FSHR: variants seen among roughly 807,000 people sequenced by gnomAD.
FSHR encodes follicle stimulating hormone receptor.
FSHR carries 46 observed loss-of-function variants against 52.1 expected under a neutral mutation model. That is an observed-to-expected ratio of 0.88 (90% CI 0.70 to 1.13). The LOEUF (loss-of-function observed/expected upper bound fraction) is 1.13. Ranked by LOEUF, FSHR falls within the 50% of genes most tolerant of loss-of-function variation. The pLI, the probability that FSHR is intolerant of heterozygous loss-of-function variation, is 0.00. For missense variants in FSHR, 964 were observed against 834.6 expected (o/e 1.16, Z -1.91); for synonymous variants, 399 against 309.6 (o/e 1.29, Z -3.03).
chr2:49,012,532 G>A (rs1395057249), intron 4 of FSHR, among the ~76,000 whole-genome samples: 1 of 152,064 alleles, frequency 6.6e-6, no homozygotes, highest in Admixed American at 6.6e-5. Context: ...GGCATCAACA[G>A]GGAGAGCTTC....
At chr2:49,010,783 C>A (rs952308324) in intron 4 of FSHR, among the ~76,000 whole-genome samples, 1 of 152,158 alleles carries the variant, frequency 6.6e-6, no homozygotes, top group African/African-American at 2.4e-5. Context: ...AGGAATTTAT[C>A]CATTTCTTCT....
At chr2:49,151,165 T>A (rs1425764774) in intron 1 of FSHR, among the ~76,000 whole-genome samples, 7 of 131,632 alleles carry the variant, frequency 5.3e-5, no homozygotes, top group Admixed American at 8.1e-5. Context: ...TTTTTCAGAA[T>A]AAGAAAGGTA....
chr2:49,102,826 A>C (rs1671082970), intron 1 of FSHR, among the ~76,000 whole-genome samples: 1 of 137,866 alleles, frequency 7.3e-6, no homozygotes, highest in Non-Finnish European at 1.6e-5. Context: ...CAAAATCTCC[A>C]TGATTTTCAG....
At chr2:49,126,320 G>C (rs928478844) in intron 1 of FSHR, among the ~76,000 whole-genome samples, 1 of 13,080 alleles carries the variant, frequency 7.6e-5, no homozygotes, top group Non-Finnish European at 1.1e-4. Flanking sequence ...CACACAAAAG[G>C]AAGAGGGGGG....
At chr2:49,077,842 T>G (rs985495396) in intron 1 of FSHR, among the ~76,000 whole-genome samples, 12 of 152,302 alleles carry the variant, frequency 7.9e-5, no homozygotes, top group African/African-American at 2.9e-4. Flanking sequence ...TCACCTTTGT[T>G]CCAGTTACCA....
intron 2 of FSHR, among the ~76,000 whole-genome samples, chr2:49,058,826 T>G (rs1225518378): frequency 6.6e-6 from 1 of 152,102 alleles, no homozygotes; most frequent in Non-Finnish European, 1.5e-5. Flanking sequence ...TGGAAAAACA[T>G]CCCAAGCTCA....
intron 8 of FSHR, among the ~76,000 whole-genome samples, chr2:48,972,659 G>A (rs1401161771): frequency 6.6e-6 from 1 of 151,938 alleles, no homozygotes; most frequent in African/African-American, 2.4e-5. Context: ...AAAGAACAAA[G>A]GTTGAGACCC....
chr2:49,068,328 C>T (rs372340043), intron 1 of FSHR, 38 bp from the exon 2 acceptor site: 2 of 1,525,144 alleles, frequency 1.3e-6, no homozygotes, highest in East Asian at 4.5e-5. Flanking sequence ...ACAACCTATC[C>T]ATTAATAAGT....
At chr2:49,130,350 C>T (rs115351891) in intron 1 of FSHR, among the ~76,000 whole-genome samples, 6 of 152,276 alleles carry the variant, frequency 3.9e-5, no homozygotes, top group Non-Finnish European at 7.3e-5. Flanking sequence ...TGGGGTAAAT[C>T]GCTTAATCTC....
chr2:48,985,306 G>C (rs1323438423), intron 6 of FSHR, among the ~76,000 whole-genome samples: 1 of 152,158 alleles, frequency 6.6e-6, no homozygotes, highest in Non-Finnish European at 1.5e-5. Context: ...TGGGGACTTG[G>C]CCCTTTAAAA....
intron 1 of FSHR, among the ~76,000 whole-genome samples, chr2:49,088,412 T>C (rs1027942390): frequency 1.3e-5 from 2 of 152,202 alleles, no homozygotes; most frequent in Non-Finnish European, 2.9e-5. Context: ...TTACCAGAAA[T>C]TCTTCAGAAA....
At chr2:48,990,808 C>T (rs1241801227) in intron 4 of FSHR, among the ~76,000 whole-genome samples, 171 bp from the exon 5 acceptor site, 1 of 151,972 alleles carries the variant, frequency 6.6e-6, no homozygotes, top group Non-Finnish European at 1.5e-5. Flanking sequence ...AAGGTTCGTT[C>T]CACGGTCTTA....
At chr2:49,073,561 T>C (rs1450700219) in intron 1 of FSHR, among the ~76,000 whole-genome samples, 3 of 151,872 alleles carry the variant, frequency 2.0e-5, no homozygotes, top group African/African-American at 7.2e-5. Context: ...GATACAAATG[T>C]AAAGACATCC....
rs778457986 is a variant in FSHR at position 48,963,133 on chromosome 2, G to A, written c.1688C>T (p.Ser563Phe). ...YLTVRNPNIV[S>F]SSSDTRIAKR... ...GGCGATCCTGGTGTCACTAGAGGAG[G>A]ACACGATGTTGGGGTTCCGCACTGT... The change falls in exon 10 of 10, where the codon TCC (serine) becomes TTC (phenylalanine). Residue 563 changes from serine to phenylalanine, a missense_variant. Physicochemically the swap from Ser to Phe is radical, Grantham distance 155. Coordinates refer to ENST00000406846, the MANE Select transcript of FSHR (RefSeq NM_000145.4). 4 of 1,614,100 alleles carry A rather than the reference G, an allele frequency of 2.5e-6. No individual in the cohort carries two copies. The highest frequency in any genetic ancestry group is 2.5e-6 in the Non-Finnish European group (3 of 1,179,996).
chr2:49,039,663 T>A (rs1668411288), intron 2 of FSHR, among the ~76,000 whole-genome samples: 1 of 152,240 alleles, frequency 6.6e-6, no homozygotes, highest in South Asian at 2.1e-4. Flanking sequence ...CACAGTCATG[T>A]GTGAGTTCTG....
intron 4 of FSHR, among the ~76,000 whole-genome samples, chr2:49,003,587 A>C (rs1015081185): frequency 6.6e-6 from 1 of 152,018 alleles, no homozygotes; most frequent in African/African-American, 2.4e-5. Flanking sequence ...ACACGTTATG[A>C]AAGATAAAGT....
At chr2:49,149,863 C>T (rs1286812638) in intron 1 of FSHR, among the ~76,000 whole-genome samples, 4 of 151,986 alleles carry the variant, frequency 2.6e-5, no homozygotes, top group Non-Finnish European at 5.9e-5. Flanking sequence ...TGGGAACTTG[C>T]TATAAGGACA....
chr2:48,965,645 G>A (rs1674442479), intron 9 of FSHR, among the ~76,000 whole-genome samples: 1 of 152,210 alleles, frequency 6.6e-6, no homozygotes. Context: ...TCATTGGACT[G>A]AGCTCTGACT....
In FSHR at chr2:49,037,438, T is replaced by C. The variant is rs551730953; in HGVS notation, c.225-17278A>G. The stretch of plus-strand genomic sequence containing the variant: ...GGATGAGGGTAAACATTAGAAACCA[T>C]AAAAGGAAACACCATATTAGAGGGA... On this transcript the variant is annotated intron_variant, in intron 2 of 9. Transcript: ENST00000406846. Among the ~76,000 whole-genome samples the C allele has an allele frequency of 1.6e-3, 245 of 152,236 alleles. 1 individual carries two copies. Among genetic ancestry groups the C allele is most frequent in the African/African-American group, 5.4e-3 (226 of 41,550 alleles).
Sources: gnomAD v4.1 joint callset for allele counts (sites outside exome capture counted in the v4.1 genomes callset) on GRCh38, gnomAD v4.1.1 for gene constraint, MANE v1.5 for transcripts, NCBI Gene and HGNC (gene_info 2026-07-23, HGNC 2026-07-21) for gene names.